OPCML: variants seen among roughly 807,000 people sequenced by gnomAD.
The protein encoded by OPCML is opioid binding protein/cell adhesion molecule like.
OPCML carries 13 observed loss-of-function variants against 37.8 expected under a neutral mutation model. The observed-to-expected ratio is 0.34, with a 90% CI of 0.22 to 0.55. The LOEUF (loss-of-function observed/expected upper bound fraction) is 0.55, where lower values mean the gene tolerates loss of function less well. Among genes scored for constraint, OPCML ranks in the 20% least tolerant of loss-of-function variants. The pLI is 0.91. For missense variants in OPCML, 341 were observed against 435.6 expected, an observed-to-expected ratio of 0.78 and a Z score of 1.93; for synonymous variants, 176 against 168.8, an observed-to-expected ratio of 1.04 and a Z score of -0.33.
At chr11:133,353,785 G>A (rs1292820034) in intron 1 of OPCML, among the ~76,000 whole-genome samples, 1 of 152,142 alleles carries the variant, frequency 6.6e-6, no homozygotes, top group Non-Finnish European at 1.5e-5. Context: ...TAAGCTTTTG[G>A]ACGATGTAGA....
At chr11:132,910,746 T>C (rs1429682111) in intron 2 of OPCML, among the ~76,000 whole-genome samples, 3 of 152,196 alleles carry the variant, frequency 2.0e-5, no homozygotes, top group African/African-American at 4.8e-5. Flanking sequence ...AAGATAAAGC[T>C]CATTTTCATG....
chr11:132,568,025 TGTGTGTGTGTGTGTGTGCGCGCGCGCGC>T lies in OPCML; in HGVS notation c.380-38867_380-38840del, dbSNP rs1043509557. 4.8e-4 allele frequency among the ~76,000 whole-genome samples: 67 copies of T among 140,062 alleles called. No individual in the cohort carries two copies. In the Middle Eastern group the frequency reaches 0.018, roughly 37 times the overall value. 91.9% of individuals were successfully genotyped at this position (140,062 alleles called of 152,430 possible). A position where few individuals can be genotyped will look rare whatever the true frequency, so the allele number is the denominator to read the frequency against. ...AAGGGGTCCCTGGACCGAATAGATC[TGTGTGTGTGTGTGTGTGCGCGCGCGCGC>T]GTGTGTGTGTGTGTGTTTGATTAGT... On this transcript the variant is annotated intron_variant, in intron 3 of 7. Coordinates refer to ENST00000524381, the MANE Select transcript of OPCML (RefSeq NM_001012393.5).
In OPCML at chr11:133,205,913, A is replaced by G. The variant is rs142358981; in HGVS notation, c.62-262903T>C. Reference sequence around the variant, plus strand: ...GGCAAAGTGGGGGCCAGGGTTCACAATCTGTCTCCAAATCCCAGACAGCTC... The same window carrying G: ...GGCAAAGTGGGGGCCAGGGTTCACAGTCTGTCTCCAAATCCCAGACAGCTC... On this transcript the variant is annotated intron_variant, in intron 1 of 7. Coordinates refer to ENST00000524381, the MANE Select transcript of OPCML (RefSeq NM_001012393.5). This position sits in a 1 kb window ranked among gnomAD's most constrained non-coding sequence, Gnocchi z 4.8. 8.4e-4 allele frequency among the ~76,000 whole-genome samples: 128 copies of G among 152,250 alleles called. No individual in the cohort carries two copies. In the East Asian group the frequency reaches 0.01, roughly 12 times the overall value.
At chr11:132,795,764 AT>A (rs1284123280) in intron 2 of OPCML, among the ~76,000 whole-genome samples, 1 of 152,186 alleles carries the variant, frequency 6.6e-6, no homozygotes, top group African/African-American at 2.4e-5. Flanking sequence ...TGCTATTATG[AT>A]TTCCACTTAC....
chr11:132,674,471 T>C (rs1418640720), intron 2 of OPCML, among the ~76,000 whole-genome samples: 4 of 152,172 alleles, frequency 2.6e-5, no homozygotes, highest in African/African-American at 9.7e-5. Context: ...TTGTGTTGTA[T>C]TTTTTAAGTG....
rs530746338 is a variant in OPCML at position 132,932,600 on chromosome 11, T to C, written c.146+10326A>G. The stretch of plus-strand genomic sequence containing the variant: ...CAGAGAGGAGAGTCTAGAATTAATT[T>C]AACTGTGTAATTCCCACACTGCCTA... On this transcript the variant is annotated intron_variant, in intron 2 of 7. Coordinates refer to ENST00000524381, the MANE Select transcript of OPCML (RefSeq NM_001012393.5). Among the ~76,000 whole-genome samples, 11 of 151,786 alleles carry C rather than the reference T, an allele frequency of 7.2e-5. No individual in the cohort carries two copies. The South Asian group carries it at 2.3e-3, about 32-fold the overall frequency.
At chr11:132,483,274 C>T (rs1040461851) in intron 4 of OPCML, among the ~76,000 whole-genome samples, 4 of 149,988 alleles carry the variant, frequency 2.7e-5, no homozygotes, top group African/African-American at 2.5e-5. Flanking sequence ...TATACACCAA[C>T]AACAGACAAA....
chr11:132,623,134 T>A (rs1939521959), intron 3 of OPCML, among the ~76,000 whole-genome samples: 1 of 152,186 alleles, frequency 6.6e-6, no homozygotes, highest in African/African-American at 2.4e-5. Flanking sequence ...ACATTCTGAA[T>A]GGATGTCTTG....
chr11:132,915,381 A>G (rs539463178), intron 2 of OPCML, among the ~76,000 whole-genome samples: 14 of 152,308 alleles, frequency 9.2e-5, no homozygotes, highest in African/African-American at 2.6e-4. Context: ...AAGGCATGAC[A>G]TGGGAAGGCT....
intron 1 of OPCML, among the ~76,000 whole-genome samples, chr11:133,242,815 A>G (rs1201981107): frequency 2.6e-5 from 4 of 152,174 alleles, no homozygotes; most frequent in Non-Finnish European, 4.4e-5. Context: ...ACACTAGCCG[A>G]GTGCAGCTGA....
At chr11:132,745,846 G>C (rs1945615958) in intron 2 of OPCML, among the ~76,000 whole-genome samples, 1 of 152,178 alleles carries the variant, frequency 6.6e-6, no homozygotes, top group South Asian at 2.1e-4. Flanking sequence ...GTGGCACTCA[G>C]AGCAGAAACA....
At chr11:133,103,110 T>C (rs570398630) in intron 1 of OPCML, among the ~76,000 whole-genome samples, 2 of 152,198 alleles carry the variant, frequency 1.3e-5, no homozygotes, top group East Asian at 3.8e-4. Context: ...AACCACAACA[T>C]TACTTTTTTT....
intron 2 of OPCML, among the ~76,000 whole-genome samples, chr11:132,778,209 TATCA>T (rs993582709): frequency 6.6e-6 from 1 of 152,214 alleles, no homozygotes; most frequent in Non-Finnish European, 1.5e-5. Flanking sequence ...TCTCTGTTGG[TATCA>T]ATCAAACAGC....
intron 1 of OPCML, among the ~76,000 whole-genome samples, chr11:133,475,211 G>GT (rs370266493): frequency 2.2e-3 from 280 of 125,664 alleles, no homozygotes; most frequent in East Asian, 9.6e-3. Context: ...TGTTTTTGTG[G>GT]TTTTTTTTTG....
chr11:132,463,369 G>T (rs560199741), intron 4 of OPCML, among the ~76,000 whole-genome samples: 1 of 152,172 alleles, frequency 6.6e-6, no homozygotes, highest in Non-Finnish European at 1.5e-5. Flanking sequence ...TAGAGTGGGC[G>T]CCTGGACAGC....
chr11:132,731,858 T>C (rs1945088533), intron 2 of OPCML, among the ~76,000 whole-genome samples: 1 of 151,920 alleles, frequency 6.6e-6, no homozygotes, highest in Non-Finnish European at 1.5e-5. Context: ...GCAAAGCAAA[T>C]AGGTGTATCA....
intron 1 of OPCML, among the ~76,000 whole-genome samples, chr11:133,032,172 C>T (rs566329121): frequency 6.6e-6 from 1 of 152,262 alleles, no homozygotes; most frequent in South Asian, 2.1e-4. Flanking sequence ...GTGGGGCTAG[C>T]CCTTCTCTAG....
intron 7 of OPCML, among the ~76,000 whole-genome samples, chr11:132,427,317 A>G (rs565050802): frequency 1.2e-4 from 19 of 152,340 alleles, no homozygotes; most frequent in African/African-American, 4.1e-4. Context: ...CAAGAGGATA[A>G]TGATGTTCTT....
At chr11:132,614,382 GT>G (rs1938857381) in intron 3 of OPCML, among the ~76,000 whole-genome samples, 1 of 152,112 alleles carries the variant, frequency 6.6e-6, no homozygotes, top group Non-Finnish European at 1.5e-5. Context: ...CCAACTCTTC[GT>G]TTAATAACCT....
Sources: allele counts gnomAD v4.1 joint callset (sites outside exome capture counted in the v4.1 genomes callset), GRCh38; gene constraint gnomAD v4.1.1; non-coding constraint Gnocchi (gnomAD v3.1); transcripts MANE v1.5; gene names NCBI Gene and HGNC (gene_info 2026-07-23, HGNC 2026-07-21).